Variants in CD86 observed in about 807,000 individuals in gnomAD.
CD86 encodes CD86 molecule, also known as T-lymphocyte activation antigen CD86.
In CD86, 11 loss-of-function variants were observed where a neutral mutation model predicts 32.1. The observed-to-expected ratio is 0.34, with a 90% confidence interval of 0.22 to 0.57. The LOEUF (loss-of-function observed/expected upper bound fraction) is 0.57, where lower values mean the gene tolerates loss of function less well. Among genes scored for constraint, CD86 ranks in the 20% least tolerant of loss-of-function variants. The pLI is 0.86. For synonymous variants in CD86, 137 were observed against 135.3 expected (o/e 1.01, Z -0.09); for missense variants, 359 against 398.4 (o/e 0.90, Z 0.84).
chr3:122,063,739 G>T (rs1376761299), intron 1 of CD86, among the ~76,000 whole-genome samples: 1 of 151,870 alleles, frequency 6.6e-6, no homozygotes, highest in Non-Finnish European at 1.5e-5. Flanking sequence ...TGTATTTTTA[G>T]TAGAGACACA....
chr3:122,104,397 A>G (rs999819717), intron 3 of CD86, among the ~76,000 whole-genome samples: 38 of 152,132 alleles, frequency 2.5e-4, no homozygotes, highest in Admixed American at 8.5e-4. Context: ...ATAACCCACA[A>G]ACTTACAAAC....
intron 5 of CD86, among the ~76,000 whole-genome samples, chr3:122,110,091 T>G (rs753076740): frequency 2.2e-4 from 33 of 152,234 alleles, no homozygotes; most frequent in Non-Finnish European, 2.2e-4. Context: ...TTGGATAATA[T>G]ATGTACTGTG....
At chr3:122,073,833 A>G (rs2072522197) in intron 1 of CD86, among the ~76,000 whole-genome samples, 1 of 152,226 alleles carries the variant, frequency 6.6e-6, no homozygotes, top group South Asian at 2.1e-4. Flanking sequence ...ATTTCTGTCC[A>G]TGAATCCAAG....
intron 1 of CD86, among the ~76,000 whole-genome samples, chr3:122,084,382 G>C (rs1363133951): frequency 6.6e-6 from 1 of 152,176 alleles, no homozygotes; most frequent in African/African-American, 2.4e-5. Context: ...AGCTTTGCAG[G>C]CCATGCAGTC....
intron 1 of CD86, among the ~76,000 whole-genome samples, chr3:122,071,873 TC>T (rs1227252944): frequency 5.8e-5 from 5 of 86,592 alleles, no homozygotes; most frequent in Non-Finnish European, 1.1e-4. Flanking sequence ...ATGCTATCCC[TC>T]CCCCCTCCCC....
At chr3:122,067,978 T>A (rs1188413222) in intron 1 of CD86, among the ~76,000 whole-genome samples, 1 of 152,170 alleles carries the variant, frequency 6.6e-6, no homozygotes, top group Non-Finnish European at 1.5e-5. Context: ...GGTTGACAAA[T>A]GTACATTTTA....
At chr3:122,095,463 G>A (rs928994167) in intron 2 of CD86, among the ~76,000 whole-genome samples, 2 of 152,152 alleles carry the variant, frequency 1.3e-5, no homozygotes, top group Non-Finnish European at 2.9e-5. Context: ...TTACAGACAG[G>A]CATGAGCCAC....
At chr3:122,068,730 A>G (rs2072448524) in intron 1 of CD86, among the ~76,000 whole-genome samples, 1 of 152,232 alleles carries the variant, frequency 6.6e-6, no homozygotes, top group African/African-American at 2.4e-5. Context: ...GTTATTTGTT[A>G]AATAATAGAC....
chr3:122,111,100 T>C (rs2073165152), intron 5 of CD86, among the ~76,000 whole-genome samples: 1 of 152,212 alleles, frequency 6.6e-6, no homozygotes, highest in African/African-American at 2.4e-5. Flanking sequence ...GAGTGGCACA[T>C]ACATGACCCC....
At position 122,103,841 on chromosome 3, in the gene CD86, G is replaced by A. The variant is rs969643514; in HGVS notation, c.394G>A (p.Val132Met). 37 of 1,612,000 alleles carry A rather than the reference G, an allele frequency of 2.3e-5. No individual in the cohort carries two copies. The highest frequency in any genetic ancestry group is 3.0e-5 in the Non-Finnish European group (35 of 1,178,534). Reference sequence around the variant, plus strand: ...CCACCAGATGAATTCTGAACTGTCAGTGCTTGGTATGTGGTCAATGGTGTG... The same window carrying A: ...CCACCAGATGAATTCTGAACTGTCAATGCTTGGTATGTGGTCAATGGTGTG... ...RIHQMNSELS[V>M]LANFSQPEIV... Residue 132 changes from valine to methionine, a missense_variant, in exon 3 of 7, where the codon GTG becomes ATG. Physicochemically the swap from Val to Met is conservative, Grantham distance 21. Coordinates refer to ENST00000330540, the MANE Select transcript of CD86 (RefSeq NM_175862.5).
chr3:122,098,349 C>G (rs758683049), intron 2 of CD86, among the ~76,000 whole-genome samples: 7 of 152,082 alleles, frequency 4.6e-5, no homozygotes, highest in Non-Finnish European at 8.8e-5. Context: ...GGAGGAAGAA[C>G]CTTCTGGACA....
chr3:122,089,139 A>G (rs1217320503), intron 1 of CD86, among the ~76,000 whole-genome samples: 1 of 152,230 alleles, frequency 6.6e-6, no homozygotes, highest in African/African-American at 2.4e-5. Flanking sequence ...TGGAAACAGA[A>G]GGTGGAATGG....
intron 1 of CD86, among the ~76,000 whole-genome samples, chr3:122,080,857 C>G (rs752017627): frequency 1.3e-5 from 2 of 152,154 alleles, no homozygotes; most frequent in Non-Finnish European, 2.9e-5. Context: ...CCTCTGTCCA[C>G]CAGACACCAA....
chr3:122,111,656 C>G (rs2073176043), intron 5 of CD86, among the ~76,000 whole-genome samples: 1 of 152,194 alleles, frequency 6.6e-6, no homozygotes, highest in Admixed American at 6.5e-5. Context: ...GGAAGTGGCT[C>G]TCAGTTGACA....
intron 2 of CD86, among the ~76,000 whole-genome samples, chr3:122,093,530 T>C (rs1190402817): frequency 6.6e-6 from 1 of 152,218 alleles, no homozygotes; most frequent in East Asian, 1.9e-4. Flanking sequence ...CTGCACAGCA[T>C]GTTACTGTGC....
intron 1 of CD86, among the ~76,000 whole-genome samples, chr3:122,083,548 T>C (rs1559903426): frequency 6.6e-6 from 1 of 152,232 alleles, no homozygotes; most frequent in South Asian, 2.1e-4. Flanking sequence ...TCTCCAAACT[T>C]AGCAGCTTAG....
chr3:122,119,526 T>A lies in CD86; in HGVS notation c.982T>A (p.Cys328Ser). 1 of 1,584,774 alleles carries A rather than the reference T, an allele frequency of 6.3e-7. No homozygotes were observed. The change falls in exon 7 of 7, where the codon TGT becomes AGT. Residue 328 changes from cysteine (C) to serine (S), a missense_variant. By Grantham distance (112) the Cys-to-Ser change is moderately radical. Transcript: ENST00000330540. ...KTSSCDKSDT[C>S]F ...ATCTTCATGCGACAAAAGTGATACA[T>A]GTTTTTAATTAAAGAGTAAAGCCCA... is the stretch of plus-strand genomic sequence containing the variant.
intron 1 of CD86, among the ~76,000 whole-genome samples, chr3:122,083,890 T>C (rs1275014880): frequency 1.3e-5 from 2 of 152,246 alleles, no homozygotes; most frequent in African/African-American, 2.4e-5. Flanking sequence ...TAACATAAAA[T>C]GTCATTAAAA....
At chr3:122,115,740 CAAAA>C (rs769868417) in intron 5 of CD86, among the ~76,000 whole-genome samples, 66 of 27,526 alleles carry the variant, frequency 2.4e-3, no homozygotes, top group Non-Finnish European at 6.2e-4. Flanking sequence ...AACTCCCTCT[CAAAA>C]AAAAAAAAAA....
Sources: gnomAD v4.1 joint callset for allele counts (sites outside exome capture counted in the v4.1 genomes callset) on GRCh38, gnomAD v4.1.1 for gene constraint, MANE v1.5 for transcripts, NCBI Gene and HGNC (gene_info 2026-07-23, HGNC 2026-07-21) for gene names.